The following SLC14A2 variants were observed in gnomAD, a reference collection of about 807,000 sequenced individuals.
SLC14A2 encodes the protein urea transporter 2.
In SLC14A2, 91 loss-of-function variants were observed where a neutral mutation model predicts 104.6. The ratio of observed to expected loss-of-function variants is 0.87; its 90% CI spans 0.73 to 1.04. SLC14A2 has a LOEUF of 1.04. Among genes scored for constraint, SLC14A2 ranks in the 50% least tolerant of loss-of-function variants. The probability of loss-of-function intolerance (pLI) is 0.00; values close to 1 mark genes in which losing one functional copy is unlikely to be tolerated. For missense variants in SLC14A2, 1,189 were observed against 1,156.0 expected (o/e 1.03, Z -0.41); for synonymous variants, 476 against 466.4 (o/e 1.02, Z -0.27).
At chr18:45,303,876 C>T (rs1157647340) in intron 1 of SLC14A2, among the ~76,000 whole-genome samples, 1 of 152,148 alleles carries the variant, frequency 6.6e-6, no homozygotes, top group Non-Finnish European at 1.5e-5. Context: ...CACCTGTTCC[C>T]ACCAGTCAAT....
At chr18:45,265,034 A>G (rs1324805969) in intron 1 of SLC14A2, among the ~76,000 whole-genome samples, 1 of 152,174 alleles carries the variant, frequency 6.6e-6, no homozygotes, top group Admixed American at 6.6e-5. Context: ...CAAGACATTC[A>G]TTAACCCAGT....
chr18:45,475,666 T>G (rs1327393307), intron 1 of SLC14A2, among the ~76,000 whole-genome samples: 13 of 101,798 alleles, frequency 1.3e-4, no homozygotes, highest in Admixed American at 3.5e-4. Flanking sequence ...TATATATATA[T>G]ATATATATAT....
In SLC14A2 at chr18:45,654,022, C is replaced by A. The variant is rs150292157; in HGVS notation, c.1352-9763C>A. ...ACAACAGGGAAGCTACCAGACAGTCCCCAGCTCTGCCTCTTTAAAGGAAAC... is the reference window on the plus strand; with the variant it reads ...ACAACAGGGAAGCTACCAGACAGTCACCAGCTCTGCCTCTTTAAAGGAAAC... On this transcript the variant is annotated intron_variant, in intron 10 of 19. Coordinates refer to ENST00000255226, the MANE Select transcript of SLC14A2 (RefSeq NM_007163.4). Among the ~76,000 whole-genome samples the A allele has an allele frequency of 4.2e-3, 645 of 152,200 alleles. 9 individuals carry two copies. Among genetic ancestry groups the A allele is most frequent in the Middle Eastern group, 0.014 (4 of 292 alleles).
intron 2 of SLC14A2, among the ~76,000 whole-genome samples, chr18:45,484,001 G>A (rs2087547576): frequency 6.6e-6 from 1 of 152,170 alleles, no homozygotes; most frequent in African/African-American, 2.4e-5. Flanking sequence ...TTTTCATTGG[G>A]ATCTATAATA....
At chr18:45,673,878 T>C in intron 18 of SLC14A2, 61 bp downstream of exon 18, 2 of 1,517,616 alleles carry the variant, frequency 1.3e-6, no homozygotes, top group Non-Finnish European at 1.8e-6. Flanking sequence ...TAAAACTGTT[T>C]TTTTATGTTT....
chr18:45,430,520 G>C (rs1243589218), intron 1 of SLC14A2, among the ~76,000 whole-genome samples: 1 of 151,898 alleles, frequency 6.6e-6, no homozygotes, highest in African/African-American at 2.4e-5. Flanking sequence ...TAATTGGACT[G>C]GCTCTTTCTG....
rs183565975 is a variant in SLC14A2 at position 45,379,189 on chromosome 18, A to G, written c.-124-104044A>G. On this transcript the variant is annotated intron_variant, in intron 1 of 20. Coordinates refer to the SLC14A2 transcript ENST00000586448. The stretch of plus-strand genomic sequence containing the variant: ...CACTATCTGCTCTCAAGTGTCCCTC[A>G]CAAAACATCCTCCAGGTTATACTTA... 1.8e-4 allele frequency among the ~76,000 whole-genome samples: 27 copies of G among 152,302 alleles called. No homozygotes were observed. The East Asian group carries it at 4.6e-3, about 26-fold the overall frequency.
At chr18:45,341,879 C>T (rs974636292) in intron 1 of SLC14A2, among the ~76,000 whole-genome samples, 3 of 152,094 alleles carry the variant, frequency 2.0e-5, no homozygotes, top group Non-Finnish European at 4.4e-5. Context: ...CGAGCCACCA[C>T]GCCTGATCCC....
chr18:45,554,825 C>G (rs2044110047), intron 2 of SLC14A2, among the ~76,000 whole-genome samples: 1 of 152,136 alleles, frequency 6.6e-6, no homozygotes, highest in African/African-American at 2.4e-5. Context: ...TCTCTAAACC[C>G]CCTCATTTCT....
the SLC14A2 span, among the ~76,000 whole-genome samples, chr18:45,184,883 G>C: frequency 6.6e-6 from 1 of 152,156 alleles, no homozygotes; most frequent in South Asian, 2.1e-4. Context: ...TATGCCTGTG[G>C]GTTGGCTTTA....
chr18:45,450,423 C>G (rs1408231986), intron 1 of SLC14A2, among the ~76,000 whole-genome samples: 1 of 152,142 alleles, frequency 6.6e-6, no homozygotes, highest in African/African-American at 2.4e-5. Flanking sequence ...GACAATACAA[C>G]TTGAGAATTA....
intron 2 of SLC14A2, among the ~76,000 whole-genome samples, chr18:45,511,313 G>A (rs1598942009): frequency 6.6e-6 from 1 of 151,972 alleles, no homozygotes; most frequent in Non-Finnish European, 1.5e-5. Flanking sequence ...CTATATTTTG[G>A]GGCAGTGGAT....
chr18:45,584,129 A>C lies in SLC14A2; in HGVS notation c.-34-40502A>C, dbSNP rs77327926. On this transcript the variant is annotated intron_variant, in intron 2 of 20. Transcript: ENST00000586448. The stretch of plus-strand genomic sequence containing the variant: ...ATTTGGCTAGTGGCCGCTGTATTAA[A>C]ACAGTGCAGGGCTAGAATCACAGAA... Among the ~76,000 whole-genome samples the C allele has an allele frequency of 5.2e-3, 788 of 152,348 alleles. 7 individuals are homozygous for C. Among genetic ancestry groups the C allele is most frequent in the African/African-American group, 0.018 (755 of 41,570 alleles).
At chr18:45,666,000 C>A (rs1018159108) in intron 11 of SLC14A2, 137 bp from the exon 12 acceptor site, 1 of 626,174 alleles carries the variant, frequency 1.6e-6, no homozygotes, top group Non-Finnish European at 2.9e-6. Context: ...TGCAAGGCCC[C>A]ATGATTCTGT....
intron 1 of SLC14A2, among the ~76,000 whole-genome samples, chr18:45,419,773 C>CA (rs56030142): frequency 7.2e-6 from 1 of 138,746 alleles, no homozygotes; most frequent in Non-Finnish European, 1.6e-5. Context: ...GACTCCAACT[C>CA]AAAAAAAAAA....
intron 1 of SLC14A2, among the ~76,000 whole-genome samples, chr18:45,287,866 G>A (rs1197607748): frequency 6.6e-6 from 1 of 151,676 alleles, no homozygotes; most frequent in African/African-American, 2.4e-5. Context: ...CAGCCCCGCA[G>A]GACCTACACT....
chr18:45,635,157 G>A (rs1304048438), intron 5 of SLC14A2, among the ~76,000 whole-genome samples: 6 of 152,292 alleles, frequency 3.9e-5, no homozygotes, highest in South Asian at 2.1e-4. Context: ...AATTCTGTTT[G>A]GACACATTAT....
At chr18:45,377,742 T>C (rs1157803310) in intron 1 of SLC14A2, among the ~76,000 whole-genome samples, 1 of 152,176 alleles carries the variant, frequency 6.6e-6, no homozygotes, top group African/African-American at 2.4e-5. Context: ...AGATGCACTT[T>C]TTCTGTCCTA....
intron 2 of SLC14A2, among the ~76,000 whole-genome samples, chr18:45,525,171 C>A (rs1328613252): frequency 1.3e-5 from 2 of 151,950 alleles, no homozygotes; most frequent in East Asian, 3.9e-4. Context: ...CTCCTCCCTT[C>A]AGCTCCTTGT....
Sources: gnomAD v4.1 joint callset for allele counts (sites outside exome capture counted in the v4.1 genomes callset) on GRCh38, gnomAD v4.1.1 for gene constraint, MANE v1.5 for transcripts, NCBI Gene and HGNC (gene_info 2026-07-23, HGNC 2026-07-21) for gene names.